Variants in AP3S1 observed in about 807,000 individuals in gnomAD.
AP3S1 encodes the protein adaptor related protein complex 3 subunit sigma 1, also known as AP-3 complex subunit sigma-1.
AP3S1 carries 12 observed loss-of-function variants against 21.3 expected under a neutral mutation model. The observed-to-expected ratio is 0.56, with a 90% CI of 0.36 to 0.91. The LOEUF is 0.91. Ranked by LOEUF, AP3S1 falls within the 40% of genes least tolerant of loss-of-function variation. The probability of loss-of-function intolerance (pLI) is 0.01; values close to 1 mark genes in which losing one functional copy is unlikely to be tolerated. For missense variants in AP3S1, 116 were observed against 225.0 expected (o/e 0.52, Z 3.10); for synonymous variants, 48 against 78.4 (o/e 0.61, Z 2.05).
intron 3 of AP3S1, among the ~76,000 whole-genome samples, chr5:115,884,324 A>G (rs1326109141): frequency 6.6e-6 from 1 of 152,062 alleles, no homozygotes; most frequent in African/African-American, 2.4e-5. Context: ...TTTACTTTTC[A>G]GCTTAAAAAG....
chr5:115,898,246 C>T (rs1252673509), intron 4 of AP3S1, among the ~76,000 whole-genome samples: 1 of 152,198 alleles, frequency 6.6e-6, no homozygotes, highest in Non-Finnish European at 1.5e-5. Flanking sequence ...CCACTACAAA[C>T]ATGGATCAGT....
At chr5:115,862,591 C>G (rs1763281963) in intron 1 of AP3S1, among the ~76,000 whole-genome samples, 1 of 152,136 alleles carries the variant, frequency 6.6e-6, no homozygotes, top group Non-Finnish European at 1.5e-5. Context: ...TACTGTACTA[C>G]TGTAATAATT....
intron 3 of AP3S1, among the ~76,000 whole-genome samples, chr5:115,880,326 G>T (rs191033157): frequency 2.0e-5 from 3 of 152,286 alleles, no homozygotes; most frequent in African/African-American, 7.2e-5. Flanking sequence ...GCTTTCTCCT[G>T]TGGAGATTTT....
chr5:115,901,726 C>T (rs1051519959), intron 4 of AP3S1, among the ~76,000 whole-genome samples: 3 of 151,890 alleles, frequency 2.0e-5, no homozygotes, highest in African/African-American at 7.3e-5. Flanking sequence ...GGCTAATTGT[C>T]TGCATTTTTT....
intron 1 of AP3S1, chr5:115,852,849 T>G (rs1201431808): frequency 3.3e-6 from 1 of 300,732 alleles, no homozygotes; most frequent in Non-Finnish European, 6.6e-6. Flanking sequence ...ATATATACAC[T>G]GTATCTTGTT....
chr5:115,884,496 G>C (rs1454036885), intron 3 of AP3S1, among the ~76,000 whole-genome samples: 3 of 152,188 alleles, frequency 2.0e-5, no homozygotes, highest in Admixed American at 2.0e-4. Context: ...ACCCCAGGCG[G>C]GGAGGGGAGT....
chr5:115,857,344 T>C (rs1580631089), intron 1 of AP3S1, among the ~76,000 whole-genome samples: 1 of 152,326 alleles, frequency 6.6e-6, no homozygotes, highest in South Asian at 2.1e-4. Flanking sequence ...AGTAAGTGTA[T>C]GAACTCAGTT....
intron 1 of AP3S1, among the ~76,000 whole-genome samples, chr5:115,849,711 G>A (rs1762301941): frequency 6.6e-6 from 1 of 152,136 alleles, no homozygotes; most frequent in South Asian, 2.1e-4. Context: ...TCTCTACCCA[G>A]TTATTGTTAG....
At chr5:115,862,210 A>T (rs947000963) in intron 1 of AP3S1, among the ~76,000 whole-genome samples, 2 of 151,438 alleles carry the variant, frequency 1.3e-5, no homozygotes, top group Admixed American at 1.3e-4. Flanking sequence ...TGTACAGTCA[A>T]CTCTTGCAAG....
chr5:115,897,643 T>C (rs1172878445), intron 4 of AP3S1, among the ~76,000 whole-genome samples: 4 of 150,820 alleles, frequency 2.7e-5, no homozygotes, highest in Admixed American at 2.0e-4. Flanking sequence ...TAATGCAAGC[T>C]CCACCTCCCA....
At chr5:115,884,771 C>G (rs1749631433) in intron 3 of AP3S1, among the ~76,000 whole-genome samples, 1 of 152,152 alleles carries the variant, frequency 6.6e-6, no homozygotes, top group South Asian at 2.1e-4. Flanking sequence ...ATTTCTGTTA[C>G]TTTAAATTTT....
intron 2 of AP3S1, among the ~76,000 whole-genome samples, 164 bp from the exon 3 acceptor site, chr5:115,869,853 A>G (rs1160156311): frequency 6.6e-6 from 1 of 152,250 alleles, no homozygotes; most frequent in Non-Finnish European, 1.5e-5. Context: ...GAAAACAGCC[A>G]CCTTAATTCA....
intron 3 of AP3S1, among the ~76,000 whole-genome samples, chr5:115,888,288 A>C (rs1326610586): frequency 6.6e-6 from 1 of 152,060 alleles, no homozygotes. Context: ...ATAATGCAAC[A>C]GCAATTTTTT....
chr5:115,845,009 G>A (rs544473695), intron 1 of AP3S1, among the ~76,000 whole-genome samples: 1 of 152,142 alleles, frequency 6.6e-6, no homozygotes, highest in African/African-American at 2.4e-5. Context: ...GTTGGGATTA[G>A]TTAACTTGCT....
chr5:115,851,144 C>A (rs1580614949), intron 1 of AP3S1, among the ~76,000 whole-genome samples: 1 of 152,192 alleles, frequency 6.6e-6, no homozygotes, highest in Middle Eastern at 3.4e-3. Context: ...CATTTTAATG[C>A]CTTTCTGGGC....
At chr5:115,872,506 G>A (rs1369181382) in intron 3 of AP3S1, among the ~76,000 whole-genome samples, 2 of 151,942 alleles carry the variant, frequency 1.3e-5, no homozygotes, top group Non-Finnish European at 2.9e-5. Context: ...GGAAATGAAC[G>A]TAAACATGTA....
At chr5:115,854,540 G>A (rs963596209) in intron 1 of AP3S1, among the ~76,000 whole-genome samples, 2 of 152,138 alleles carry the variant, frequency 1.3e-5, no homozygotes, top group African/African-American at 4.8e-5. Flanking sequence ...GCCTGCCCAT[G>A]TACACAGAGT....
chr5:115,906,593 C>T (rs937379193), intron 5 of AP3S1, among the ~76,000 whole-genome samples: 4 of 149,544 alleles, frequency 2.7e-5, no homozygotes, highest in African/African-American at 5.0e-5. Flanking sequence ...TGATGGGATT[C>T]GGGGGAAGTA....
At chr5:115,872,132 CA>C (rs1748317225) in intron 3 of AP3S1, among the ~76,000 whole-genome samples, 1 of 151,958 alleles carries the variant, frequency 6.6e-6, no homozygotes, top group African/African-American at 2.4e-5. Context: ...TGGGCAACCC[CA>C]TCTCTACAAA....
Sources: allele counts gnomAD v4.1 joint callset (sites outside exome capture counted in the v4.1 genomes callset), GRCh38; gene constraint gnomAD v4.1.1; transcripts MANE v1.5; gene names NCBI Gene and HGNC (gene_info 2026-07-23, HGNC 2026-07-21).